LDAH: variants seen among roughly 807,000 people sequenced by gnomAD.
LDAH encodes the protein lipid droplet-associated hydrolase.
LDAH carries 26 observed loss-of-function variants against 29.6 expected under a neutral mutation model. The ratio of observed to expected loss-of-function variants is 0.88; its 90% CI spans 0.64 to 1.22. The LOEUF is 1.22. Among genes scored for constraint, LDAH ranks in the 50% most tolerant of loss-of-function variants. The pLI, the probability that LDAH is intolerant of heterozygous loss-of-function variation, is 0.00. For synonymous variants in LDAH, 117 were observed against 133.0 expected, an observed-to-expected ratio of 0.88 and a Z score of 0.83; for missense variants, 344 against 387.3, an observed-to-expected ratio of 0.89 and a Z score of 0.94.
rs907457844 is a variant in LDAH at position 20,687,199 on chromosome 2, C to G, written c.787-105G>C. On this transcript the variant is annotated intron_variant, in intron 6 of 6. Transcript: ENST00000237822. ...CTCTGAGGACAGCACCTACGCCTGACCCTGGGAGCTAGTCCCTAAGCTCTC... is the reference window on the plus strand; with the variant it reads ...CTCTGAGGACAGCACCTACGCCTGAGCCTGGGAGCTAGTCCCTAAGCTCTC... 4 of 847,626 alleles carry G rather than the reference C, an allele frequency of 4.7e-6. No individual in the cohort carries two copies. The African/African-American group carries it at 6.9e-5, about 15-fold the overall frequency. 52.5% of individuals were successfully genotyped at this position (847,626 alleles called of 1,614,324 possible).
intron 5 of LDAH, among the ~76,000 whole-genome samples, chr2:20,719,372 G>T (rs1255208399): frequency 6.6e-6 from 1 of 151,176 alleles, no homozygotes; most frequent in Non-Finnish European, 1.5e-5. Context: ...ACATGCCAAT[G>T]AACTGGAAAA....
intron 4 of LDAH, among the ~76,000 whole-genome samples, chr2:20,770,404 G>A (rs1040772305): frequency 3.9e-5 from 6 of 152,068 alleles, no homozygotes; most frequent in African/African-American, 1.4e-4. Context: ...AATTCTTAGA[G>A]GAAAATTAAA....
At chr2:20,725,586 T>C (rs1665954238) in intron 5 of LDAH, among the ~76,000 whole-genome samples, 1 of 152,226 alleles carries the variant, frequency 6.6e-6, no homozygotes, top group South Asian at 2.1e-4. Flanking sequence ...GCAGTGTGGA[T>C]GTAGTAGACG....
intron 3 of LDAH, among the ~76,000 whole-genome samples, chr2:20,786,814 G>A (rs1670587469): frequency 1.3e-5 from 2 of 152,096 alleles, no homozygotes. Flanking sequence ...TGAAGGCTAG[G>A]GGAAGACGGA....
intron 4 of LDAH, among the ~76,000 whole-genome samples, chr2:20,742,407 A>C (rs516891): frequency 0.35 from 52,634 of 152,130 alleles, 10,427 homozygotes; most frequent in South Asian, 0.6. Flanking sequence ...TGAAATCTCC[A>C]ACTATGATAG....
At chr2:20,803,292 T>G (rs564196383) in intron 1 of LDAH, among the ~76,000 whole-genome samples, 33 of 152,274 alleles carry the variant, frequency 2.2e-4, no homozygotes, top group African/African-American at 7.7e-4. Context: ...CTGTGTGCTT[T>G]CTTTCTCCAG....
In LDAH at chr2:20,708,060, C is replaced by G. The variant is rs1664441558; in HGVS notation, c.704-6408G>C. Among the ~76,000 whole-genome samples, 3 of 152,304 alleles carry G rather than the reference C, an allele frequency of 2.0e-5. No homozygotes were observed. In the South Asian group the frequency reaches 6.2e-4, roughly 32 times the overall value. On this transcript the variant is annotated intron_variant, in intron 5 of 6. Transcript: ENST00000237822. Reference sequence around the variant, plus strand: ...GATTGTCTAGCTGCAGGAAAAGAAGCTCAGGGCTCCCTCCCACTTTTCTAC... The same window carrying G: ...GATTGTCTAGCTGCAGGAAAAGAAGGTCAGGGCTCCCTCCCACTTTTCTAC...
At chr2:20,705,681 A>G (rs1225254950) in intron 5 of LDAH, among the ~76,000 whole-genome samples, 3 of 152,334 alleles carry the variant, frequency 2.0e-5, no homozygotes, top group Middle Eastern at 3.4e-3. Context: ...ATGAAAAAGA[A>G]TAAATGATCA....
chr2:20,684,643 G>T lies in LDAH; in HGVS notation c.*2260C>A. ...AAGCGTATGGTGAGAGGCCCTTGGT[G>T]GCCATGGACATCAGGCCACACAAGC... On this transcript the variant is annotated 3_prime_UTR_variant, in exon 7 of 7. Coordinates refer to ENST00000237822, the MANE Select transcript of LDAH (RefSeq NM_021925.4). The T allele has an allele frequency of 2.5e-6, 1 of 397,542 alleles. No homozygotes were observed. 24.6% of individuals were successfully genotyped at this position (397,542 alleles called of 1,614,324 possible).
intron 4 of LDAH, among the ~76,000 whole-genome samples, chr2:20,754,281 A>T (rs1668160106): frequency 6.6e-6 from 1 of 152,028 alleles, no homozygotes; most frequent in Non-Finnish European, 1.5e-5. Context: ...TGAGCTCAGG[A>T]GTTTGAAACC....
Position 20,685,030 on chromosome 2 carries a change from C to A in LDAH, c.*1873G>T. 7.0e-7 allele frequency: 1 copy of A among 1,432,500 alleles called. No individual in the cohort carries two copies. The highest frequency in any genetic ancestry group is 9.4e-7 in the Non-Finnish European group (1 of 1,060,798). The allele number at this position is 1,432,500 out of a possible 1,614,324, so 88.7% of individuals were successfully genotyped here. On this transcript the variant is annotated 3_prime_UTR_variant, in exon 7 of 7. Transcript: ENST00000237822. ...AAATTGTACCCTCTCTTGCCCAACA[C>A]AGAGATCAGGCCAGACCAGGTCAGA...
chr2:20,801,348 C>CTT lies in LDAH; in HGVS notation c.114_115dup (p.Ser39LysfsTer33). 1 of 1,614,132 alleles carries CTT rather than the reference C, an allele frequency of 6.2e-7. No homozygotes were observed. The highest frequency in any genetic ancestry group is 8.5e-7 in the Non-Finnish European group (1 of 1,180,010). On this transcript the variant is annotated frameshift_variant, in exon 2 of 7. Transcript: ENST00000237822. LOFTEE classifies it high-confidence loss of function. ...AATAAGCAGCTTAGGCCTTTTGACACTTTGATCATGAAAGAGGTCTGTCCA... is the reference window on the plus strand; with the variant it reads ...AATAAGCAGCTTAGGCCTTTTGACACTTTTTGATCATGAAAGAGGTCTGTCCA...
intron 1 of LDAH, among the ~76,000 whole-genome samples, chr2:20,802,304 C>A (rs186432826): frequency 2.8e-4 from 43 of 152,210 alleles, no homozygotes; most frequent in African/African-American, 9.9e-4. Flanking sequence ...AGATAATCCA[C>A]CCACCTCGGC....
intron 1 of LDAH, among the ~76,000 whole-genome samples, chr2:20,816,499 A>G (rs561293045): frequency 3.6e-4 from 55 of 152,226 alleles, no homozygotes; most frequent in Non-Finnish European, 5.4e-4. Flanking sequence ...AGTAGACTTC[A>G]GAGCAAAGAA....
At chr2:20,712,742 C>T (rs960058761) in intron 5 of LDAH, among the ~76,000 whole-genome samples, 1 of 152,138 alleles carries the variant, frequency 6.6e-6, no homozygotes, top group Admixed American at 6.5e-5. Context: ...GTGATGCCTG[C>T]ACAAGCTTCA....
At chr2:20,726,712 A>T (rs527308746) in intron 5 of LDAH, among the ~76,000 whole-genome samples, 69 of 152,338 alleles carry the variant, frequency 4.5e-4, no homozygotes, top group Middle Eastern at 3.4e-3. Flanking sequence ...CGTAGTCAAC[A>T]TAGTTTATTA....
chr2:20,789,071 T>G (rs1670754461), intron 3 of LDAH: 3 of 1,504,498 alleles, frequency 2.0e-6, no homozygotes, highest in African/African-American at 2.8e-5. Flanking sequence ...CTCCCTTCTG[T>G]GCTACTCTTT....
At chr2:20,705,850 G>A (rs1157180677) in intron 5 of LDAH, among the ~76,000 whole-genome samples, 1 of 152,062 alleles carries the variant, frequency 6.6e-6, no homozygotes, top group East Asian at 1.9e-4. Context: ...TTAAGTCTTA[G>A]TTTTCACATA....
Position 20,740,207 on chromosome 2 carries a change from T to G in LDAH, c.469-2A>C. 1 of 1,601,028 alleles carries G rather than the reference T, an allele frequency of 6.2e-7. No homozygotes were observed. Among genetic ancestry groups the G allele is most frequent in the Non-Finnish European group, 8.6e-7 (1 of 1,168,196 alleles). On this transcript the variant is annotated splice_acceptor_variant, in intron 4 of 6. Coordinates refer to ENST00000237822, the MANE Select transcript of LDAH (RefSeq NM_021925.4). LOFTEE classifies it high-confidence loss of function. ...AAAGAGCAGAAAGGCACGAATTACCTGCAATAAAGAAGCATACTTTGATGA... is the reference window on the plus strand; with the variant it reads ...AAAGAGCAGAAAGGCACGAATTACCGGCAATAAAGAAGCATACTTTGATGA...
Sources: gnomAD v4.1 joint callset for allele counts (sites outside exome capture counted in the v4.1 genomes callset) on GRCh38, gnomAD v4.1.1 for gene constraint, MANE v1.5 for transcripts, NCBI Gene and HGNC (gene_info 2026-07-23, HGNC 2026-07-21) for gene names.